Variants in NEBL observed in about 807,000 individuals in gnomAD.
NEBL encodes the protein nebulette.
Under a neutral mutation model 140.2 loss-of-function variants are expected in NEBL, and 122 were observed. The ratio of observed to expected loss-of-function variants is 0.87; its 90% CI spans 0.75 to 1.01. The LOEUF is 1.01. NEBL is among the 50% of genes least tolerant of loss of function. The pLI is 0.00. For synonymous variants in NEBL, 436 were observed against 398.9 expected (o/e 1.09, Z -1.11); for missense variants, 1,365 against 1,231.3 (o/e 1.11, Z -1.62).
chr10:21,154,972 G>A (rs575146897), intron 2 of NEBL, among the ~76,000 whole-genome samples: 3 of 152,238 alleles, frequency 2.0e-5, no homozygotes, highest in South Asian at 4.1e-4. Flanking sequence ...AGGCCGAGGC[G>A]GGTGGATCAC....
At chr10:21,251,104 T>C (rs1472694027) in intron 2 of NEBL, among the ~76,000 whole-genome samples, 1 of 152,162 alleles carries the variant, frequency 6.6e-6, no homozygotes, top group Non-Finnish European at 1.5e-5. Flanking sequence ...CCTTCTACAC[T>C]ACCCAAGATT....
At chr10:20,968,317 C>T (rs1564465741) in intron 3 of NEBL, among the ~76,000 whole-genome samples, 1 of 150,146 alleles carries the variant, frequency 6.7e-6, no homozygotes, top group Non-Finnish European at 1.5e-5. Context: ...CTAGCCTAGG[C>T]AACATAGCAA....
intron 3 of NEBL, among the ~76,000 whole-genome samples, chr10:20,970,944 G>T (rs1231824321): frequency 6.6e-6 from 1 of 152,174 alleles, no homozygotes; most frequent in Non-Finnish European, 1.5e-5. Flanking sequence ...ATAAGCAGAA[G>T]TGAAAGTGGA....
intron 3 of NEBL, 83 bp from the exon 4 acceptor site, chr10:20,888,290 CTT>C: frequency 1.2e-6 from 1 of 839,980 alleles, no homozygotes; most frequent in East Asian, 2.7e-5. Context: ...AAAGAAGAAA[CTT>C]TCTCCCAAAA....
chr10:21,191,898 C>T (rs1305229873), intron 3 of NEBL, among the ~76,000 whole-genome samples: 1 of 152,136 alleles, frequency 6.6e-6, no homozygotes, highest in Non-Finnish European at 1.5e-5. Flanking sequence ...GACCTAGAGA[C>T]AGTGGGAGGC....
upstream of NEBL, among the ~76,000 whole-genome samples, chr10:20,898,345 G>A (rs1003798924): frequency 2.0e-5 from 3 of 152,058 alleles, no homozygotes; most frequent in East Asian, 3.9e-4. Context: ...TAGTAATACT[G>A]ATGATACAAA....
intron 3 of NEBL, among the ~76,000 whole-genome samples, chr10:21,213,307 G>T (rs981663364): frequency 6.6e-6 from 1 of 152,208 alleles, no homozygotes; most frequent in Non-Finnish European, 1.5e-5. Context: ...AAATCAGAAT[G>T]TAGAGTGTCT....
At chr10:20,797,820 A>T (rs190342278) in intron 26 of NEBL, among the ~76,000 whole-genome samples, 1 of 152,088 alleles carries the variant, frequency 6.6e-6, no homozygotes, top group Non-Finnish European at 1.5e-5. Flanking sequence ...AATGAAAAAT[A>T]TAGACATGGT....
chr10:20,841,359 G>A (rs1841397760), intron 12 of NEBL: 1 of 163,560 alleles, frequency 6.1e-6, no homozygotes, highest in Admixed American at 5.9e-5. Context: ...CCATTCCAAT[G>A]TCTAGTAAGC....
intron 2 of NEBL, among the ~76,000 whole-genome samples, chr10:21,081,167 T>A (rs1836352320): frequency 6.6e-6 from 1 of 152,072 alleles, no homozygotes; most frequent in Non-Finnish European, 1.5e-5. Flanking sequence ...TCTGGTATTA[T>A]TTAATAGTCA....
intron 2 of NEBL, among the ~76,000 whole-genome samples, chr10:21,035,927 CT>C (rs1223438670): frequency 6.6e-6 from 1 of 152,094 alleles, no homozygotes; most frequent in Non-Finnish European, 1.5e-5. Context: ...CTTTGGGAGG[CT>C]GAGGTGAGCG....
intron 2 of NEBL, among the ~76,000 whole-genome samples, chr10:21,091,369 A>G (rs1344001993): frequency 6.6e-6 from 1 of 152,238 alleles, no homozygotes. Context: ...CCATTTCAAT[A>G]CATAAATAAA....
intron 2 of NEBL, among the ~76,000 whole-genome samples, chr10:21,064,742 C>T (rs552763054): frequency 2.0e-5 from 3 of 151,908 alleles, no homozygotes; most frequent in Non-Finnish European, 4.4e-5. Context: ...ATTAGAAATG[C>T]AATGTAAATT....
intron 2 of NEBL, among the ~76,000 whole-genome samples, chr10:21,159,087 G>T (rs985312414): frequency 6.6e-6 from 1 of 152,120 alleles, no homozygotes; most frequent in Admixed American, 6.5e-5. Flanking sequence ...AGCTCCCAAG[G>T]TATGTCCTAT....
At chr10:21,205,520 C>A (rs1451294215) in intron 3 of NEBL, among the ~76,000 whole-genome samples, 1 of 151,910 alleles carries the variant, frequency 6.6e-6, no homozygotes, top group African/African-American at 2.4e-5. Context: ...TGAAAAAATA[C>A]TCATGATGTA....
At chr10:20,804,441 T>G (rs1382015661) in intron 26 of NEBL, 1 of 152,184 alleles carries the variant, frequency 6.6e-6, no homozygotes, top group Non-Finnish European at 1.5e-5. Flanking sequence ...TTCACATGAC[T>G]AACCCTACCA....
intron 14 of NEBL, among the ~76,000 whole-genome samples, chr10:20,832,847 T>C (rs1470940090): frequency 6.6e-6 from 1 of 152,220 alleles, no homozygotes; most frequent in African/African-American, 2.4e-5. Context: ...CCAGTATCAC[T>C]TTTCTAAATA....
intron 2 of NEBL, among the ~76,000 whole-genome samples, chr10:21,047,576 G>A (rs995943932): frequency 6.6e-6 from 1 of 151,060 alleles, no homozygotes; most frequent in Non-Finnish European, 1.5e-5. Flanking sequence ...ACTCTACTTT[G>A]TCCCACAAAT....
In NEBL at chr10:20,934,504, G is replaced by A. The variant is rs147863071; in HGVS notation, c.357+27168C>T. Reference sequence around the variant, plus strand: ...GAATTCTAGCCTGTGGAATATGGATGGACGTGACGTGCATGACTTCCAGAC... The same window carrying A: ...GAATTCTAGCCTGTGGAATATGGATAGACGTGACGTGCATGACTTCCAGAC... On this transcript the variant is annotated intron_variant, in intron 4 of 6. Coordinates refer to the NEBL transcript ENST00000417816. 7.5e-3 allele frequency among the ~76,000 whole-genome samples: 1,143 copies of A among 152,232 alleles called. 13 individuals are homozygous for A. The highest frequency in any genetic ancestry group is 0.026 in the African/African-American group (1,081 of 41,540).
Sources: allele counts gnomAD v4.1 joint callset (sites outside exome capture counted in the v4.1 genomes callset), GRCh38; gene constraint gnomAD v4.1.1; transcripts MANE v1.5; gene names NCBI Gene and HGNC (gene_info 2026-07-23, HGNC 2026-07-21).